Variants in CAMTA1 observed in about 807,000 individuals in gnomAD.
CAMTA1 encodes calmodulin binding transcription activator 1.
A neutral mutation model predicts 170.9 loss-of-function variants in CAMTA1; 27 were observed. That is an observed-to-expected ratio of 0.16 (90% CI 0.12 to 0.22). The LOEUF is 0.22. Ranked by LOEUF, CAMTA1 falls within the 10% of genes least tolerant of loss-of-function variation. The probability of loss-of-function intolerance (pLI) is 1.00; values close to 1 mark genes in which losing one functional copy is unlikely to be tolerated. For synonymous variants in CAMTA1, 833 were observed against 891.5 expected (o/e 0.93, Z 1.17); for missense variants, 1,619 against 2,217.2 (o/e 0.73, Z 5.42).
At chr1:6,978,291 A>G (rs1289023144) in intron 3 of CAMTA1, among the ~76,000 whole-genome samples, 1 of 152,162 alleles carries the variant, frequency 6.6e-6, no homozygotes, top group Admixed American at 6.6e-5. Flanking sequence ...CCGTGATGTG[A>G]TTATTATGCA....
chr1:6,949,162 C>T (rs1688043353), intron 3 of CAMTA1, among the ~76,000 whole-genome samples: 1 of 152,226 alleles, frequency 6.6e-6, no homozygotes, highest in Non-Finnish European at 1.5e-5. Flanking sequence ...TTTAAATAGG[C>T]TAAATTGTTC....
At chr1:7,349,677 A>G (rs1425243277) in intron 5 of CAMTA1, among the ~76,000 whole-genome samples, 1 of 152,132 alleles carries the variant, frequency 6.6e-6, no homozygotes, top group Non-Finnish European at 1.5e-5. Context: ...CTCCTCTTAT[A>G]TAAGGTGACC....
At chr1:7,020,775 A>T (rs1701228211) in intron 3 of CAMTA1, among the ~76,000 whole-genome samples, 1 of 152,154 alleles carries the variant, frequency 6.6e-6, no homozygotes, top group South Asian at 2.1e-4. Flanking sequence ...AGAGCTGGAG[A>T]GGGACCAGGG....
At chr1:7,046,494 AGG>A (rs1705403641) in intron 3 of CAMTA1, among the ~76,000 whole-genome samples, 1 of 152,226 alleles carries the variant, frequency 6.6e-6, no homozygotes, top group African/African-American at 2.4e-5. Flanking sequence ...CTCACTGGCA[AGG>A]GCTGCAGCAG....
At chr1:6,872,049 ATTTAAG>A in intron 3 of CAMTA1, 1 of 995,058 alleles carries the variant, frequency 1.0e-6, no homozygotes, top group Non-Finnish European at 1.3e-6. Flanking sequence ...TCCTTTTAAA[ATTTAAG>A]TTTAATGAGT....
At chr1:7,374,441 CT>C (rs1206224459) in intron 5 of CAMTA1, among the ~76,000 whole-genome samples, 2 of 152,242 alleles carry the variant, frequency 1.3e-5, no homozygotes, top group African/African-American at 4.8e-5. Flanking sequence ...GCCCAGCCTG[CT>C]GCTTAGCAGA....
chr1:7,495,923 CT>C (rs1231649224), intron 6 of CAMTA1, among the ~76,000 whole-genome samples: 1 of 152,216 alleles, frequency 6.6e-6, no homozygotes, highest in Non-Finnish European at 1.5e-5. Context: ...TCCCAGGGTC[CT>C]GTCTTGGTCT....
chr1:6,806,814 A>G (rs1015611054), intron 1 of CAMTA1, among the ~76,000 whole-genome samples: 11 of 152,272 alleles, frequency 7.2e-5, no homozygotes, highest in African/African-American at 2.7e-4. Flanking sequence ...AGGACATGTT[A>G]CAATAAAATT....
rs1372133264 is a variant in CAMTA1 at position 7,463,017 on chromosome 1, G to A, written c.439-4813G>A. On this transcript the variant is annotated intron_variant, in intron 5 of 22. Coordinates refer to ENST00000303635, the MANE Select transcript of CAMTA1 (RefSeq NM_015215.4). This position sits in a 1 kb window ranked among gnomAD's most constrained non-coding sequence, Gnocchi z 4.7. ...TGGACTCCAGCTGAGCGGGGTCTTCGGAGGCAGCACAGGGAGGTTGTCCTG... is the reference window on the plus strand; with the variant it reads ...TGGACTCCAGCTGAGCGGGGTCTTCAGAGGCAGCACAGGGAGGTTGTCCTG... Among the ~76,000 whole-genome samples the A allele has an allele frequency of 1.3e-5, 2 of 152,204 alleles. No homozygotes were observed. The highest frequency in any genetic ancestry group is 2.9e-5 in the Non-Finnish European group (2 of 68,040).
chr1:7,705,689 C>G (rs988474428), intron 11 of CAMTA1, among the ~76,000 whole-genome samples: 5 of 152,074 alleles, frequency 3.3e-5, no homozygotes, highest in African/African-American at 1.2e-4. Flanking sequence ...AGGTGCGAGG[C>G]GAGGTGCGGG....
chr1:7,520,213 CCTCCTCCTCCTCCT>C, intron 6 of CAMTA1, among the ~76,000 whole-genome samples: 1 of 248 alleles, frequency 4.0e-3, no homozygotes, highest in East Asian at 0.062. Context: ...TCCTCCTCCT[CCTCCTCCTCCTCCT>C]CCCTCCTCCT....
At chr1:6,848,614 G>A (rs1033722121) in intron 3 of CAMTA1, among the ~76,000 whole-genome samples, 9 of 152,216 alleles carry the variant, frequency 5.9e-5, no homozygotes, top group Non-Finnish European at 1.2e-4. Context: ...CAGTAGCGAA[G>A]GATCTGACTT....
chr1:7,321,120 T>C (rs1368761913), intron 5 of CAMTA1, among the ~76,000 whole-genome samples: 1 of 152,254 alleles, frequency 6.6e-6, no homozygotes, highest in Non-Finnish European at 1.5e-5. Context: ...CCTGCCCATC[T>C]CTTTTTCCAA....
chr1:7,493,463 A>G (rs1258849360), intron 6 of CAMTA1, among the ~76,000 whole-genome samples: 1 of 152,160 alleles, frequency 6.6e-6, no homozygotes, highest in East Asian at 1.9e-4. Context: ...GTGCAAACAC[A>G]CAAAAACATA....
chr1:6,893,528 C>T (rs56736798), intron 3 of CAMTA1, among the ~76,000 whole-genome samples: 3,850 of 152,300 alleles, frequency 0.025, 168 homozygotes, highest in African/African-American at 0.088. Flanking sequence ...GGTGGGTAAC[C>T]ACTGATCTGA....
chr1:7,472,863 G>A (rs896649791), intron 6 of CAMTA1, among the ~76,000 whole-genome samples: 1 of 152,166 alleles, frequency 6.6e-6, no homozygotes, highest in African/African-American at 2.4e-5. Context: ...GACTCGGGGC[G>A]GGGACAATGC....
chr1:7,123,596 AT>A (rs1254156669), intron 4 of CAMTA1, among the ~76,000 whole-genome samples: 2 of 152,102 alleles, frequency 1.3e-5, no homozygotes, highest in African/African-American at 4.8e-5. Flanking sequence ...ACCCAGGCAC[AT>A]GTGGCAGTCC....
chr1:7,445,542 A>AG (rs950589079), intron 5 of CAMTA1, among the ~76,000 whole-genome samples: 1 of 151,892 alleles, frequency 6.6e-6, no homozygotes, highest in African/African-American at 2.4e-5. Flanking sequence ...TGGACGGGGG[A>AG]GGGGCTCAGC....
intron 5 of CAMTA1, among the ~76,000 whole-genome samples, chr1:7,304,621 A>G (rs1474556084): frequency 2.0e-5 from 3 of 151,262 alleles, no homozygotes; most frequent in Non-Finnish European, 4.4e-5. Flanking sequence ...TAGGTCTGAC[A>G]TATAAAATGG....
Sources: gnomAD v4.1 joint callset for allele counts (sites outside exome capture counted in the v4.1 genomes callset) on GRCh38, gnomAD v4.1.1 for gene constraint, Gnocchi (gnomAD v3.1) non-coding constraint, MANE v1.5 for transcripts, NCBI Gene and HGNC (gene_info 2026-07-23, HGNC 2026-07-21) for gene names.